The following CDH12 variants were observed in gnomAD, a reference collection of about 807,000 sequenced individuals.
CDH12 encodes cadherin-12.
Under a neutral mutation model 74.1 loss-of-function variants are expected in CDH12, and 41 were observed. The observed-to-expected ratio is 0.55, with a 90% CI of 0.43 to 0.72. CDH12 has a LOEUF of 0.72. CDH12 is among the 30% of genes least tolerant of loss of function. CDH12 has a pLI of 0.00. For missense variants in CDH12, 945 were observed against 977.2 expected (o/e 0.97, Z 0.44); for synonymous variants, 399 against 355.0 (o/e 1.12, Z -1.39).
At chr5:22,428,554 C>T (rs1442981242) in intron 2 of CDH12, among the ~76,000 whole-genome samples, 1 of 152,010 alleles carries the variant, frequency 6.6e-6, no homozygotes, top group African/African-American at 2.4e-5. Flanking sequence ...AGCCAAGAAA[C>T]TGATGTGACT....
chr5:22,622,052 T>C (rs1738001771), intron 1 of CDH12, among the ~76,000 whole-genome samples: 1 of 152,148 alleles, frequency 6.6e-6, no homozygotes, highest in Admixed American at 6.6e-5. Context: ...AAAGCTAAAC[T>C]GTAGGCAAAT....
chr5:22,038,558 G>A (rs189652158), intron 5 of CDH12, among the ~76,000 whole-genome samples: 1 of 152,284 alleles, frequency 6.6e-6, no homozygotes, highest in Admixed American at 6.5e-5. Flanking sequence ...GTCTCTAGGG[G>A]CCTCTGCTGA....
At chr5:22,058,159 C>CA (rs375810099) in intron 5 of CDH12, among the ~76,000 whole-genome samples, 84 of 152,088 alleles carry the variant, frequency 5.5e-4, no homozygotes, top group African/African-American at 1.9e-3. Context: ...CAGGTTCAAG[C>CA]AATTCTCCTG....
intron 11 of CDH12, among the ~76,000 whole-genome samples, chr5:21,777,689 C>T (rs1378058971): frequency 2.0e-5 from 3 of 152,112 alleles, no homozygotes. Context: ...CAAGATTTCA[C>T]CATGTTGGCC....
At chr5:22,815,560 A>G (rs1312492877) in intron 1 of CDH12, among the ~76,000 whole-genome samples, 1 of 152,166 alleles carries the variant, frequency 6.6e-6, no homozygotes, top group East Asian at 1.9e-4. Flanking sequence ...ACCTGAGGTC[A>G]GGAGTTCGAG....
At chr5:21,811,440 T>C (rs543910335) in intron 9 of CDH12, among the ~76,000 whole-genome samples, 3 of 152,194 alleles carry the variant, frequency 2.0e-5, no homozygotes, top group Non-Finnish European at 4.4e-5. Context: ...TTGAAAACTT[T>C]TAATTCGTGT....
chr5:22,570,845 C>G (rs1416451439), intron 1 of CDH12, among the ~76,000 whole-genome samples: 2 of 152,168 alleles, frequency 1.3e-5, no homozygotes, highest in African/African-American at 4.8e-5. Context: ...AAGACTGTTT[C>G]ATCTACCTTA....
intron 3 of CDH12, among the ~76,000 whole-genome samples, chr5:22,263,189 TG>T: frequency 6.6e-6 from 1 of 152,164 alleles, no homozygotes. Context: ...TGAATTTATA[TG>T]ATTATTGGAT....
intron 5 of CDH12, among the ~76,000 whole-genome samples, chr5:22,062,830 C>A (rs1278571858): frequency 6.6e-6 from 1 of 152,088 alleles, no homozygotes; most frequent in African/African-American, 2.4e-5. Context: ...TTGAGACATA[C>A]TTCTATGAAG....
At chr5:21,996,565 G>A (rs1444802505) in intron 5 of CDH12, among the ~76,000 whole-genome samples, 1 of 152,086 alleles carries the variant, frequency 6.6e-6, no homozygotes, top group Non-Finnish European at 1.5e-5. Context: ...TAGAAACTGG[G>A]TTATCCAGTC....
chr5:22,546,279 A>T (rs575101829), intron 1 of CDH12, among the ~76,000 whole-genome samples: 2 of 152,280 alleles, frequency 1.3e-5, no homozygotes, highest in African/African-American at 4.8e-5. Context: ...AAAATTTACT[A>T]TTTTGCTCAA....
chr5:22,062,746 T>G (rs1359623182), intron 5 of CDH12, among the ~76,000 whole-genome samples: 2 of 152,140 alleles, frequency 1.3e-5, no homozygotes, highest in Non-Finnish European at 2.9e-5. Context: ...AAGGTGGCTT[T>G]TTCTTTGCAT....
intron 1 of CDH12, among the ~76,000 whole-genome samples, chr5:22,820,859 A>C (rs960253188): frequency 6.6e-6 from 1 of 152,164 alleles, no homozygotes; most frequent in African/African-American, 2.4e-5. Context: ...ATAGAAAAAG[A>C]GGGAATCCTC....
intron 5 of CDH12, among the ~76,000 whole-genome samples, chr5:22,034,928 C>T (rs753550106): frequency 6.6e-6 from 1 of 152,116 alleles, no homozygotes; most frequent in Non-Finnish European, 1.5e-5. Context: ...ACGCCATTGA[C>T]AGGTTCTTGA....
chr5:22,468,664 A>T (rs1463159236), intron 2 of CDH12, among the ~76,000 whole-genome samples: 1 of 152,106 alleles, frequency 6.6e-6, no homozygotes, highest in African/African-American at 2.4e-5. Flanking sequence ...TGAACCTATA[A>T]AACATTTTTA....
intron 6 of CDH12, among the ~76,000 whole-genome samples, chr5:21,871,498 C>T (rs899457912): frequency 2.8e-4 from 42 of 152,018 alleles, no homozygotes; most frequent in Non-Finnish European, 4.1e-4. Flanking sequence ...CTTTGGAGGC[C>T]GAGGCGGGTG....
At chr5:22,298,372 T>G (rs1209791391) in intron 3 of CDH12, among the ~76,000 whole-genome samples, 1 of 152,004 alleles carries the variant, frequency 6.6e-6, no homozygotes, top group African/African-American at 2.4e-5. Flanking sequence ...ACCCTTTAAA[T>G]AAATCCTATT....
intron 3 of CDH12, among the ~76,000 whole-genome samples, chr5:22,244,741 A>AAAGAAAG (rs1327503980): frequency 2.7e-3 from 10 of 3,684 alleles, no homozygotes; most frequent in East Asian, 0.013. Flanking sequence ...GAAAGAAAGA[A>AAAGAAAG]AAGAAAGAAA....
chr5:22,311,900 A>G (rs1012529689), intron 3 of CDH12, among the ~76,000 whole-genome samples: 1 of 152,042 alleles, frequency 6.6e-6, no homozygotes, highest in African/African-American at 2.4e-5. Context: ...TTTAAAGAAC[A>G]TGTTTACATT....
Sources: gnomAD v4.1 joint callset for allele counts (sites outside exome capture counted in the v4.1 genomes callset) on GRCh38, gnomAD v4.1.1 for gene constraint, MANE v1.5 for transcripts, NCBI Gene and HGNC (gene_info 2026-07-23, HGNC 2026-07-21) for gene names.